The following MUC13 variants were observed in gnomAD, a reference collection of about 807,000 sequenced individuals.
MUC13 encodes mucin-13.
Under a neutral mutation model 48.3 loss-of-function variants are expected in MUC13, and 32 were observed. That is an observed-to-expected ratio of 0.66 (90% CI 0.50 to 0.89). The LOEUF is 0.89. Among genes scored for constraint, MUC13 ranks in the 40% least tolerant of loss-of-function variants. The pLI is 0.00. For missense variants in MUC13, 571 were observed against 622.8 expected, an observed-to-expected ratio of 0.92 and a Z score of 0.88; for synonymous variants, 199 against 224.9, an observed-to-expected ratio of 0.88 and a Z score of 1.03.
intron 10 of MUC13, among the ~76,000 whole-genome samples, chr3:124,908,972 G>T (rs372977591): frequency 6.6e-6 from 1 of 152,158 alleles, no homozygotes; most frequent in East Asian, 1.9e-4. Context: ...TGGCTAACAT[G>T]GTGAAACCTC....
chr3:124,916,289 A>G (rs764807876), intron 6 of MUC13, 28 bp downstream of exon 6: 1 of 1,580,332 alleles, frequency 6.3e-7, no homozygotes, highest in South Asian at 1.1e-5. Context: ...CTTCAGGTGA[A>G]CTTTGAATAA....
At chr3:124,928,028 G>T in intron 1 of MUC13, 35 bp from the exon 2 acceptor site, 3 of 1,385,042 alleles carry the variant, frequency 2.2e-6, no homozygotes, top group South Asian at 2.8e-5. Context: ...TGAGGAGACA[G>T]TACATTGAAT....
intron 9 of MUC13, among the ~76,000 whole-genome samples, chr3:124,910,990 G>A (rs1935411578): frequency 6.6e-6 from 1 of 152,132 alleles, no homozygotes; most frequent in Admixed American, 6.5e-5. Context: ...CTCTGCCCTG[G>A]TTGGCACTAT....
intron 9 of MUC13, 47 bp downstream of exon 9, chr3:124,912,057 T>C (rs760781563): frequency 3.1e-6 from 5 of 1,599,682 alleles, no homozygotes; most frequent in South Asian, 2.3e-5. Flanking sequence ...TATTGATTTC[T>C]CAGATGTTTA....
Position 124,927,712 on chromosome 3 carries a change from C to T in MUC13, c.334G>A (p.Val112Ile). ...ATGTCAGAGGTAGCTAATGAATTTA[C>T]ATTTGTGGTTGACTCACTGTCTGCA... is the stretch of plus-strand genomic sequence containing the variant. The part of the protein sequence containing the change: ...TAADSESTTN[V>I]NSLATSDIIT... The change falls in exon 2 of 12, where the codon GTA becomes ATA. Residue 112 changes from valine (V) to isoleucine (I), a missense_variant. Val to Ile is a conservative substitution (Grantham distance 29). Transcript: ENST00000616727. 1 of 1,614,124 alleles carries T rather than the reference C, an allele frequency of 6.2e-7. No individual in the cohort carries two copies. The highest frequency in any genetic ancestry group is 8.5e-7 in the Non-Finnish European group (1 of 1,180,020).
chr3:124,922,056 G>T, intron 4 of MUC13, 141 bp downstream of exon 4: 1 of 969,106 alleles, frequency 1.0e-6, no homozygotes, highest in Non-Finnish European at 1.5e-6. Flanking sequence ...GCTGTTTACC[G>T]ACCAGTAAAG....
intron 8 of MUC13, 40 bp downstream of exon 8, chr3:124,913,071 T>A: frequency 6.2e-7 from 1 of 1,605,910 alleles, no homozygotes; most frequent in Non-Finnish European, 8.5e-7. Context: ...TTTGCCTAGC[T>A]CCAGCTGTGG....
chr3:124,931,587 A>C (rs1935799087), intron 1 of MUC13, among the ~76,000 whole-genome samples: 1 of 151,368 alleles, frequency 6.6e-6, no homozygotes, highest in Non-Finnish European at 1.5e-5. Context: ...ATCTCTACCA[A>C]AAATGCAAAA....
chr3:124,934,408 C>T (rs766484117), intron 1 of MUC13, among the ~76,000 whole-genome samples: 12 of 152,214 alleles, frequency 7.9e-5, no homozygotes, highest in Non-Finnish European at 1.8e-4. Context: ...GATCCATCTG[C>T]CTCGGCCTCC....
chr3:124,920,927 A>G lies in MUC13; in HGVS notation c.745-638T>C, dbSNP rs144686117. ...GGCAGAGGTGACATGGCAAAGGGAC[A>G]GAGCAAACTCTGTGAGACAGCAGCC... On this transcript the variant is annotated intron_variant, in intron 4 of 11. Coordinates refer to ENST00000616727, the MANE Select transcript of MUC13 (RefSeq NM_033049.4). Among the ~76,000 whole-genome samples, 86 of 152,382 alleles carry G rather than the reference A, an allele frequency of 5.6e-4. 1 individual carries two copies. In the East Asian group the frequency reaches 0.011, roughly 20 times the overall value.
intron 1 of MUC13, among the ~76,000 whole-genome samples, chr3:124,928,538 G>T (rs1444093082): frequency 6.6e-6 from 1 of 151,850 alleles, no homozygotes; most frequent in African/African-American, 2.4e-5. Context: ...CACCTCCATG[G>T]CTGGCTAATT....
intron 8 of MUC13, 107 bp downstream of exon 8, chr3:124,913,004 G>T: frequency 1.1e-5 from 12 of 1,117,686 alleles, no homozygotes; most frequent in East Asian, 3.1e-5. Flanking sequence ...ACCAACCTAT[G>T]ACAGCTTACC....
intron 5 of MUC13, 32 bp downstream of exon 5, chr3:124,920,202 T>A: frequency 6.3e-7 from 1 of 1,582,534 alleles, no homozygotes. Context: ...CAGACACACA[T>A]CTGCCTCCAA....
intron 5 of MUC13, among the ~76,000 whole-genome samples, chr3:124,918,249 G>A (rs979144254): frequency 3.9e-5 from 6 of 152,164 alleles, no homozygotes; most frequent in Admixed American, 2.0e-4. Flanking sequence ...ATAATTTTGG[G>A]CTGGAGCCTA....
chr3:124,931,609 G>A (rs573067461), intron 1 of MUC13, among the ~76,000 whole-genome samples: 5 of 151,834 alleles, frequency 3.3e-5, no homozygotes, highest in Admixed American at 1.3e-4. Context: ...TTAGCTGGGC[G>A]TGGTGGCAGG....
chr3:124,913,308 C>T (rs1320093212), intron 7 of MUC13, 68 bp from the exon 8 acceptor site: 2 of 1,568,850 alleles, frequency 1.3e-6, no homozygotes, highest in African/African-American at 1.4e-5. Flanking sequence ...TCACATGTGA[C>T]AACATGACAG....
At chr3:124,915,985 A>G (rs1935505736) in intron 6 of MUC13, among the ~76,000 whole-genome samples, 1 of 152,176 alleles carries the variant, frequency 6.6e-6, no homozygotes, top group Non-Finnish European at 1.5e-5. Context: ...GCCACAGGTA[A>G]AATTTTCTGT....
chr3:124,933,871 C>T (rs1415038063), intron 1 of MUC13, among the ~76,000 whole-genome samples: 1 of 152,200 alleles, frequency 6.6e-6, no homozygotes, highest in Non-Finnish European at 1.5e-5. Flanking sequence ...CAACATACTG[C>T]TGACCTCACC....
chr3:124,915,920 C>T (rs985647657), intron 6 of MUC13, among the ~76,000 whole-genome samples: 5 of 152,174 alleles, frequency 3.3e-5, no homozygotes, highest in Admixed American at 6.5e-5. Flanking sequence ...TCAAGGAATC[C>T]GCCCATCTCA....
Sources: gnomAD v4.1 joint callset for allele counts (sites outside exome capture counted in the v4.1 genomes callset) on GRCh38, gnomAD v4.1.1 for gene constraint, MANE v1.5 for transcripts, NCBI Gene and HGNC (gene_info 2026-07-23, HGNC 2026-07-21) for gene names.